LRRIQ3: variants seen among roughly 807,000 people sequenced by gnomAD.
LRRIQ3 encodes leucine rich repeats and IQ motif containing 3, also known as leucine-rich repeat and IQ domain-containing protein 3.
LRRIQ3 carries 75 observed loss-of-function variants against 59.3 expected under a neutral mutation model. The observed-to-expected ratio is 1.26, with a 90% CI of 1.05 to 1.53. LRRIQ3 has a LOEUF of 1.53. LRRIQ3 is among the 40% of genes most tolerant of loss of function. The pLI, the probability that LRRIQ3 is intolerant of heterozygous loss-of-function variation, is 0.00. For synonymous variants in LRRIQ3, 250 were observed against 231.3 expected (o/e 1.08, Z -0.73); for missense variants, 831 against 710.0 (o/e 1.17, Z -1.94).
intron 4 of LRRIQ3, among the ~76,000 whole-genome samples, chr1:74,138,050 C>A (rs865898673): frequency 7.3e-5 from 11 of 151,262 alleles, no homozygotes; most frequent in Middle Eastern, 3.4e-3. Context: ...GTATAACAAA[C>A]CTGCATGTTC....
At chr1:74,117,490 G>C (rs1257353285) in intron 4 of LRRIQ3, among the ~76,000 whole-genome samples, 2 of 152,178 alleles carry the variant, frequency 1.3e-5, no homozygotes, top group Admixed American at 6.6e-5. Flanking sequence ...TACCAGCTTA[G>C]TGAGGTGGCT....
intron 1 of LRRIQ3, among the ~76,000 whole-genome samples, chr1:74,195,800 G>A (rs1651077695): frequency 6.6e-6 from 1 of 152,098 alleles, no homozygotes; most frequent in South Asian, 2.1e-4. Context: ...CTGGTAAAAT[G>A]ACATTCTGAT....
chr1:74,114,392 T>C (rs895541082), intron 4 of LRRIQ3, among the ~76,000 whole-genome samples: 2 of 152,178 alleles, frequency 1.3e-5, no homozygotes, highest in East Asian at 1.9e-4. Flanking sequence ...CAAATCTCAC[T>C]AGACTTAAGT....
At chr1:74,177,629 AAT>A (rs1322964550) in intron 3 of LRRIQ3, among the ~76,000 whole-genome samples, 1 of 151,998 alleles carries the variant, frequency 6.6e-6, no homozygotes, top group Non-Finnish European at 1.5e-5. Context: ...TTAAGATATT[AAT>A]ATGTTTATTA....
At chr1:74,083,882 T>C (rs1473495558) in intron 5 of LRRIQ3, 2 of 276,286 alleles carry the variant, frequency 7.2e-6, no homozygotes, top group Admixed American at 1.0e-4. Context: ...ATTAGCAGTC[T>C]CTGCAAAGCA....
chr1:74,147,208 TACA>T (rs1195432465), intron 4 of LRRIQ3, among the ~76,000 whole-genome samples: 1 of 152,130 alleles, frequency 6.6e-6, no homozygotes, highest in African/African-American at 2.4e-5. Flanking sequence ...CATCCTGGAC[TACA>T]GGTAAGACTC....
chr1:74,077,846 C>T (rs1646227404), intron 5 of LRRIQ3, among the ~76,000 whole-genome samples: 1 of 151,826 alleles, frequency 6.6e-6, no homozygotes, highest in Non-Finnish European at 1.5e-5. Flanking sequence ...AATGTGTGCA[C>T]TTACTGATAG....
chr1:74,196,216 A>T (rs1651108302), intron 1 of LRRIQ3, among the ~76,000 whole-genome samples: 1 of 152,112 alleles, frequency 6.6e-6, no homozygotes, highest in Admixed American at 6.5e-5. Flanking sequence ...GATCCAATAA[A>T]TACTCTATTT....
intron 1 of LRRIQ3, among the ~76,000 whole-genome samples, chr1:74,192,755 A>C (rs576070518): frequency 6.6e-6 from 1 of 152,254 alleles, no homozygotes; most frequent in East Asian, 1.9e-4. Flanking sequence ...ATGAGTAATA[A>C]ATTACAGAAA....
intron 2 of LRRIQ3, 154 bp downstream of exon 2, chr1:74,183,282 T>C (rs1018176226): frequency 1.1e-5 from 6 of 569,626 alleles, no homozygotes; most frequent in African/African-American, 3.9e-5. Flanking sequence ...CGTATTTATA[T>C]ACATCTTACA....
intron 5 of LRRIQ3, among the ~76,000 whole-genome samples, chr1:74,094,529 C>T (rs1361591708): frequency 1.3e-5 from 2 of 152,034 alleles, no homozygotes; most frequent in Admixed American, 6.6e-5. Context: ...CTTTGAAAAA[C>T]ATCAGCCATG....
At chr1:74,196,518 A>G (rs1233313268) in intron 1 of LRRIQ3, among the ~76,000 whole-genome samples, 1 of 152,132 alleles carries the variant, frequency 6.6e-6, no homozygotes, top group Non-Finnish European at 1.5e-5. Context: ...ATACACACAC[A>G]AACTTCCATT....
At chr1:74,164,478 T>C (rs1648852688) in intron 3 of LRRIQ3, among the ~76,000 whole-genome samples, 1 of 151,476 alleles carries the variant, frequency 6.6e-6, no homozygotes, top group South Asian at 2.1e-4. Flanking sequence ...TGCCTCAATC[T>C]TGGATTTCTA....
chr1:74,053,051 AGAG>A (rs1415392708), intron 6 of LRRIQ3, among the ~76,000 whole-genome samples: 1 of 152,108 alleles, frequency 6.6e-6, no homozygotes, highest in Non-Finnish European at 1.5e-5. Context: ...AACAAAGTAG[AGAG>A]CCCAGAAATA....
At chr1:74,094,089 T>C (rs1451748753) in intron 5 of LRRIQ3, among the ~76,000 whole-genome samples, 3 of 152,040 alleles carry the variant, frequency 2.0e-5, no homozygotes, top group Non-Finnish European at 4.4e-5. Flanking sequence ...TGTCCTGATA[T>C]AGTCTTTCCT....
At chr1:74,136,744 T>A (rs967442477) in intron 4 of LRRIQ3, among the ~76,000 whole-genome samples, 3 of 151,930 alleles carry the variant, frequency 2.0e-5, no homozygotes, top group African/African-American at 7.2e-5. Flanking sequence ...TTTTGCTAAC[T>A]GTAAATGCAA....
chr1:74,068,374 G>A (rs542662227), intron 6 of LRRIQ3, among the ~76,000 whole-genome samples: 4 of 152,128 alleles, frequency 2.6e-5, no homozygotes, highest in African/African-American at 9.6e-5. Flanking sequence ...GCATAGCAGG[G>A]AAATAGAACA....
chr1:74,109,269 G>T, intron 5 of LRRIQ3, 125 bp downstream of exon 5: 1 of 738,552 alleles, frequency 1.4e-6, no homozygotes, highest in Non-Finnish European at 2.2e-6. Flanking sequence ...AAAATATAAA[G>T]CAGGATATTA....
chr1:74,147,862 A>G (rs1025079421), intron 4 of LRRIQ3, among the ~76,000 whole-genome samples: 6 of 152,054 alleles, frequency 3.9e-5, no homozygotes, highest in African/African-American at 1.4e-4. Flanking sequence ...CTATTATTTC[A>G]TTAAATAGGT....
Sources: gnomAD v4.1 joint callset for allele counts (sites outside exome capture counted in the v4.1 genomes callset) on GRCh38, gnomAD v4.1.1 for gene constraint, MANE v1.5 for transcripts, NCBI Gene and HGNC (gene_info 2026-07-23, HGNC 2026-07-21) for gene names.